Variants in EXOC4 observed in about 807,000 individuals in gnomAD.
The protein encoded by EXOC4 is SEC8-like 1.
EXOC4 carries 71 observed loss-of-function variants against 107.2 expected under a neutral mutation model. The observed-to-expected ratio is 0.66, with a 90% confidence interval of 0.55 to 0.81. The LOEUF is 0.81. Ranked by LOEUF, EXOC4 falls within the 30% of genes least tolerant of loss-of-function variation. The pLI is 0.00. For missense variants in EXOC4, 1,108 were observed against 1,189.6 expected, an observed-to-expected ratio of 0.93 and a Z score of 1.01; for synonymous variants, 456 against 441.2, an observed-to-expected ratio of 1.03 and a Z score of -0.42.
chr7:133,306,100 G>A lies in EXOC4; in HGVS notation c.656+39G>A, dbSNP rs1356663947. Reference sequence around the variant, plus strand: ...TTTGCTATAAGTGTCTTGTGGCAGTGTAGGATTGGAAGGAATATTTTTTGT... The same window carrying A: ...TTTGCTATAAGTGTCTTGTGGCAGTATAGGATTGGAAGGAATATTTTTTGT... On this transcript the variant is annotated intron_variant, in intron 4 of 17. Coordinates refer to ENST00000253861, the MANE Select transcript of EXOC4 (RefSeq NM_021807.4). 7 of 1,509,334 alleles carry A rather than the reference G, an allele frequency of 4.6e-6. No homozygotes were observed. In the African/African-American group the frequency reaches 7.0e-5, roughly 15 times the overall value. 93.5% of individuals were successfully genotyped at this position (1,509,334 alleles called of 1,614,324 possible).
chr7:133,860,155 AAAT>A (rs1429512598), intron 11 of EXOC4, among the ~76,000 whole-genome samples: 2 of 152,204 alleles, frequency 1.3e-5, no homozygotes, highest in African/African-American at 4.8e-5. Flanking sequence ...CCTCTGAAAA[AAAT>A]CCAAAGCCTG....
intron 9 of EXOC4, among the ~76,000 whole-genome samples, chr7:133,537,411 G>A (rs1032104943): frequency 2.6e-5 from 4 of 151,578 alleles, no homozygotes; most frequent in South Asian, 2.1e-4. Flanking sequence ...TGCCTGCCTC[G>A]GCCTCCCAAA....
intron 9 of EXOC4, among the ~76,000 whole-genome samples, chr7:133,590,829 G>A (rs994760187): frequency 1.3e-5 from 2 of 152,156 alleles, no homozygotes; most frequent in Admixed American, 6.5e-5. Context: ...TGCCAAACGA[G>A]ACCTTGGGAT....
At chr7:134,093,329 G>T in the EXOC4 span, among the ~76,000 whole-genome samples, 2 of 151,746 alleles carry the variant, frequency 1.3e-5, no homozygotes, top group South Asian at 4.2e-4. Flanking sequence ...GACAAAGAAG[G>T]GCATTACATA....
At chr7:134,032,364 C>T (rs575994669) in intron 17 of EXOC4, among the ~76,000 whole-genome samples, 17 of 152,322 alleles carry the variant, frequency 1.1e-4, no homozygotes, top group African/African-American at 4.1e-4. Context: ...CCTGTTCTTA[C>T]TGTTGCTGCT....
intron 10 of EXOC4, among the ~76,000 whole-genome samples, chr7:133,639,349 T>G (rs1193938899): frequency 4.6e-5 from 7 of 152,208 alleles, no homozygotes; most frequent in African/African-American, 1.7e-4. Flanking sequence ...TACCAAAGAC[T>G]CTTCTTTGGT....
chr7:133,816,926 G>A (rs11487000), intron 10 of EXOC4, among the ~76,000 whole-genome samples: 3,583 of 152,218 alleles, frequency 0.024, 152 homozygotes, highest in African/African-American at 0.082. Flanking sequence ...TTCATCGCCC[G>A]GTGTGGGGGT....
At chr7:133,821,735 C>CAG in intron 11 of EXOC4, among the ~76,000 whole-genome samples, 1 of 152,272 alleles carries the variant, frequency 6.6e-6, no homozygotes, top group South Asian at 2.1e-4. Context: ...ACTTTTACCC[C>CAG]AGTGCCTAAA....
At chr7:134,033,086 A>G (rs1405006447) in intron 17 of EXOC4, among the ~76,000 whole-genome samples, 1 of 152,204 alleles carries the variant, frequency 6.6e-6, no homozygotes, top group Non-Finnish European at 1.5e-5. Flanking sequence ...AAGATGGAAC[A>G]TTGTTAATGG....
At chr7:133,325,511 T>C (rs760814161) in intron 5 of EXOC4, among the ~76,000 whole-genome samples, 12 of 152,206 alleles carry the variant, frequency 7.9e-5, no homozygotes, top group Non-Finnish European at 1.2e-4. Flanking sequence ...CTGAAAATTC[T>C]TTTCTTTAAG....
chr7:133,969,807 A>T (rs1801159123), intron 14 of EXOC4, among the ~76,000 whole-genome samples: 1 of 152,122 alleles, frequency 6.6e-6, no homozygotes, highest in Non-Finnish European at 1.5e-5. Context: ...CAGTCAGGAG[A>T]CACGGGGGTC....
intron 10 of EXOC4, among the ~76,000 whole-genome samples, chr7:133,804,103 A>G (rs1797013913): frequency 6.6e-6 from 1 of 152,226 alleles, no homozygotes; most frequent in Admixed American, 6.5e-5. Flanking sequence ...AAAGGGCTCC[A>G]GAGGAGGTAA....
chr7:133,818,332 AT>A (rs1456779342), intron 11 of EXOC4, among the ~76,000 whole-genome samples: 1 of 152,206 alleles, frequency 6.6e-6, no homozygotes, highest in African/African-American at 2.4e-5. Context: ...ATTGTACAAT[AT>A]GAGACTATTC....
intron 5 of EXOC4, among the ~76,000 whole-genome samples, chr7:133,334,815 C>T (rs774068601): frequency 1.6e-4 from 24 of 151,812 alleles, no homozygotes; most frequent in Non-Finnish European, 3.4e-4. Context: ...TAGTTGAGAA[C>T]ATGTGTTGTT....
intron 11 of EXOC4, among the ~76,000 whole-genome samples, chr7:133,831,502 T>C (rs954873106): frequency 5.9e-5 from 9 of 152,212 alleles, no homozygotes; most frequent in African/African-American, 2.2e-4. Context: ...CGTTCTAGCT[T>C]TGGACATCAG....
rs1281443973 is a variant in EXOC4 at position 134,064,424 on chromosome 7, G to A, written c.2821G>A (p.Glu941Lys). The A allele has an allele frequency of 3.7e-6, 6 of 1,608,262 alleles. No homozygotes were observed. The highest frequency in any genetic ancestry group is 5.1e-6 in the Non-Finnish European group (6 of 1,177,008). ...LLHRSQTGVG[E>K]LTTQNTRLQR... ...GCACCGCAGCCAGACTGGGGTGGGG[G>A]AACTGACCACCCAGAACACGAGGCT... Residue 941 changes from glutamate (E) to lysine (K), a missense_variant, in exon 18 of 18, where the codon GAA becomes AAA. Coordinates refer to ENST00000253861, the MANE Select transcript of EXOC4 (RefSeq NM_021807.4).
intron 10 of EXOC4, among the ~76,000 whole-genome samples, chr7:133,711,591 A>G (rs772230615): frequency 1.3e-5 from 2 of 152,236 alleles, no homozygotes; most frequent in Non-Finnish European, 2.9e-5. Context: ...GTGTATACTC[A>G]GTGCCATTAT....
At chr7:133,291,900 T>C (rs1378610791) in intron 3 of EXOC4, among the ~76,000 whole-genome samples, 1 of 152,098 alleles carries the variant, frequency 6.6e-6, no homozygotes, top group Non-Finnish European at 1.5e-5. Context: ...ACACAGCAAC[T>C]TATCACATAT....
chr7:134,042,505 C>G (rs975558237), intron 17 of EXOC4, among the ~76,000 whole-genome samples: 16 of 150,504 alleles, frequency 1.1e-4, no homozygotes, highest in South Asian at 2.1e-4. Flanking sequence ...AGTGAAAGGA[C>G]ACATGACAAA....
Sources: gnomAD v4.1 joint callset for allele counts (sites outside exome capture counted in the v4.1 genomes callset) on GRCh38, gnomAD v4.1.1 for gene constraint, MANE v1.5 for transcripts, NCBI Gene and HGNC (gene_info 2026-07-23, HGNC 2026-07-21) for gene names.